Variants in TFPI observed in about 807,000 individuals in gnomAD.
The protein encoded by TFPI is tissue factor pathway inhibitor.
A neutral mutation model predicts 34.6 loss-of-function variants in TFPI; 15 were observed. The ratio of observed to expected loss-of-function variants is 0.43; its 90% CI spans 0.29 to 0.67. TFPI has a LOEUF of 0.67. Among genes scored for constraint, TFPI ranks in the 30% least tolerant of loss-of-function variants. TFPI has a pLI of 0.15. For synonymous variants in TFPI, 105 were observed against 120.1 expected, an observed-to-expected ratio of 0.87 and a Z score of 0.82; for missense variants, 301 against 364.0, an observed-to-expected ratio of 0.83 and a Z score of 1.41.
chr2:187,471,435 A>G (rs1036486699), intron 6 of TFPI, among the ~76,000 whole-genome samples: 4 of 152,176 alleles, frequency 2.6e-5, no homozygotes, highest in African/African-American at 9.6e-5. Context: ...GCTATCTACA[A>G]TGAAAGAAAA....
rs1311368365 is a variant in TFPI at position 187,465,387 on chromosome 2, C to G, written c.*1549G>C. 1.3e-5 allele frequency: 2 copies of G among 150,922 alleles called. No individual in the cohort carries two copies. The highest frequency in any genetic ancestry group is 2.9e-5 in the Non-Finnish European group (2 of 67,874). The allele number at this position is 150,922 out of a possible 1,614,324, so 9.3% of individuals were successfully genotyped here. A position where few individuals can be genotyped will look rare whatever the true frequency, so the allele number is the denominator to read the frequency against. On this transcript the variant is annotated 3_prime_UTR_variant, in exon 8 of 8. Coordinates refer to ENST00000233156, the MANE Select transcript of TFPI (RefSeq NM_006287.6). ...GTGTGGTGGCCTGCACCTCTAGTCC[C>G]AGCTAGGTGGGAGGTTTCAGTGTCC...
chr2:187,469,671 A>T (rs1340042647), intron 6 of TFPI, among the ~76,000 whole-genome samples: 2 of 152,096 alleles, frequency 1.3e-5, no homozygotes, highest in African/African-American at 4.8e-5. Context: ...ACTAACTGTC[A>T]TCTTCATGTT....
At chr2:187,504,840 C>T (rs1243686881) in intron 1 of TFPI, among the ~76,000 whole-genome samples, 1 of 152,058 alleles carries the variant, frequency 6.6e-6, no homozygotes, top group Non-Finnish European at 1.5e-5. Flanking sequence ...TGTAGCAGAT[C>T]ACAGCTGCAA....
chr2:187,552,575 T>G (rs1689134401), intron 1 of TFPI, among the ~76,000 whole-genome samples: 1 of 151,976 alleles, frequency 6.6e-6, no homozygotes, highest in East Asian at 1.9e-4. Context: ...GACTGATAAA[T>G]GGACAATCAG....
At chr2:187,539,420 G>T (rs1217934737) in intron 1 of TFPI, among the ~76,000 whole-genome samples, 1 of 152,150 alleles carries the variant, frequency 6.6e-6, no homozygotes, top group East Asian at 1.9e-4. Flanking sequence ...CATAAAAAAA[G>T]ATCGAAGTTT....
At chr2:187,494,227 C>T (rs1449779204) in intron 3 of TFPI, among the ~76,000 whole-genome samples, 4 of 151,826 alleles carry the variant, frequency 2.6e-5, no homozygotes, top group South Asian at 4.2e-4. Context: ...CCAGTCCCTC[C>T]CACAACATAT....
At chr2:187,498,397 A>G (rs1259091583) in intron 2 of TFPI, among the ~76,000 whole-genome samples, 1 of 151,804 alleles carries the variant, frequency 6.6e-6, no homozygotes, top group Admixed American at 6.6e-5. Flanking sequence ...TTTTGAATTA[A>G]TAGCAAGTAT....
At chr2:187,528,326 G>C (rs1687783380) in intron 1 of TFPI, among the ~76,000 whole-genome samples, 1 of 152,074 alleles carries the variant, frequency 6.6e-6, no homozygotes. Flanking sequence ...GCCTAAACAA[G>C]AGAATGTCTA....
chr2:187,469,405 G>A (rs8176585), intron 6 of TFPI, among the ~76,000 whole-genome samples: 614 of 152,158 alleles, frequency 4.0e-3, no homozygotes, highest in African/African-American at 0.014. Flanking sequence ...TGAAAACATC[G>A]TTTTAAATCA....
chr2:187,553,112 A>G (rs951738449), intron 1 of TFPI, among the ~76,000 whole-genome samples: 5 of 152,016 alleles, frequency 3.3e-5, no homozygotes, highest in Non-Finnish European at 7.4e-5. Context: ...ATTTAAAATA[A>G]TCTTTAAAAT....
At chr2:187,516,597 GT>G (rs1687018204) in intron 1 of TFPI, 1 of 152,150 alleles carries the variant, frequency 6.6e-6, no homozygotes, top group Non-Finnish European at 1.5e-5. Flanking sequence ...AATGAGAGAG[GT>G]TCTCAAAGAG....
chr2:187,519,241 C>G (rs1687211403), intron 1 of TFPI: 1 of 152,328 alleles, frequency 6.6e-6, no homozygotes, highest in South Asian at 2.1e-4. Flanking sequence ...GAATTTTCAG[C>G]CTTTTTGCGC....
intron 1 of TFPI, among the ~76,000 whole-genome samples, chr2:187,504,462 C>CT (rs8176413): frequency 0.035 from 5,323 of 151,364 alleles, 283 homozygotes; most frequent in African/African-American, 0.11. Context: ...AAAAGTGACT[C>CT]TAAGTGATAA....
chr2:187,486,277 A>G (rs1693254842), intron 4 of TFPI, among the ~76,000 whole-genome samples: 1 of 151,732 alleles, frequency 6.6e-6, no homozygotes, highest in East Asian at 1.9e-4. Context: ...AATACATTGA[A>G]TTACTATCAT....
chr2:187,482,651 T>C (rs975699796), intron 6 of TFPI, among the ~76,000 whole-genome samples: 4 of 151,960 alleles, frequency 2.6e-5, no homozygotes, highest in African/African-American at 7.2e-5. Flanking sequence ...GCCTACAATT[T>C]AGGGAATTTA....
chr2:187,484,242 A>G (rs1407682476), intron 5 of TFPI, 26 bp from the exon 6 acceptor site: 2 of 1,584,696 alleles, frequency 1.3e-6, no homozygotes, highest in South Asian at 2.2e-5. Flanking sequence ...GCCAATTAAA[A>G]TAGATAAACA....
At chr2:187,479,205 A>G (rs547812172) in intron 6 of TFPI, among the ~76,000 whole-genome samples, 1 of 152,202 alleles carries the variant, frequency 6.6e-6, no homozygotes, top group Non-Finnish European at 1.5e-5. Context: ...AGGGACAGAA[A>G]ATATCTGCAA....
chr2:187,469,537 T>C (rs1186727418), intron 6 of TFPI, among the ~76,000 whole-genome samples: 1 of 152,122 alleles, frequency 6.6e-6, no homozygotes, highest in Non-Finnish European at 1.5e-5. Flanking sequence ...ATATAGATAG[T>C]AAAATAGTTG....
chr2:187,465,577 A>T lies in TFPI; in HGVS notation c.*1359T>A, dbSNP rs1304940232. The T allele has an allele frequency of 6.6e-6, 1 of 151,520 alleles. No homozygotes were observed. Among genetic ancestry groups the T allele is most frequent in the African/African-American group, 2.4e-5 (1 of 41,332 alleles). 9.4% of individuals were successfully genotyped at this position (151,520 alleles called of 1,614,324 possible). Reference sequence around the variant, plus strand: ...TTGGGTGAACTTTTTCGAAAAAAAAAAAAAAAAGCATAAAGATTTGGAGAC... The same window carrying T: ...TTGGGTGAACTTTTTCGAAAAAAAATAAAAAAAGCATAAAGATTTGGAGAC... On this transcript the variant is annotated 3_prime_UTR_variant, in exon 8 of 8. Coordinates refer to ENST00000233156, the MANE Select transcript of TFPI (RefSeq NM_006287.6).
Sources: allele counts gnomAD v4.1 joint callset (sites outside exome capture counted in the v4.1 genomes callset), GRCh38; gene constraint gnomAD v4.1.1; transcripts MANE v1.5; gene names NCBI Gene and HGNC (gene_info 2026-07-23, HGNC 2026-07-21).